Variants in SNTG2 observed in about 807,000 individuals in gnomAD.
SNTG2 encodes the protein gamma-2-syntrophin.
In SNTG2, 74 loss-of-function variants were observed where a neutral mutation model predicts 70.9. The observed-to-expected ratio is 1.04, with a 90% CI of 0.86 to 1.27. The LOEUF (loss-of-function observed/expected upper bound fraction) is 1.27. Among genes scored for constraint, SNTG2 ranks in the 50% most tolerant of loss-of-function variants. The probability of loss-of-function intolerance (pLI) is 0.00; values close to 1 mark genes in which losing one functional copy is unlikely to be tolerated. For missense variants in SNTG2, 717 were observed against 690.7 expected, an observed-to-expected ratio of 1.04 and a Z score of -0.43; for synonymous variants, 278 against 273.8, an observed-to-expected ratio of 1.02 and a Z score of -0.15.
chr2:1,228,831 C>T (rs908150110), intron 9 of SNTG2, among the ~76,000 whole-genome samples: 5 of 152,180 alleles, frequency 3.3e-5, no homozygotes, highest in African/African-American at 9.7e-5. Flanking sequence ...TAGGGCAGCG[C>T]GTCTGGAGTT....
Position 1,235,849 on chromosome 2 carries a change from T to G in SNTG2, c.720-2039T>G, listed in dbSNP as rs554921907. Among the ~76,000 whole-genome samples, 6 of 152,338 alleles carry G rather than the reference T, an allele frequency of 3.9e-5. No homozygotes were observed. In the South Asian group the frequency reaches 1.0e-3, roughly 26 times the overall value. ...TGGAGGATGGGACACAGGGAACTTTTGAGGATTCTTCTAAAGTCTGTTTTT... is the reference window on the plus strand; with the variant it reads ...TGGAGGATGGGACACAGGGAACTTTGGAGGATTCTTCTAAAGTCTGTTTTT... On this transcript the variant is annotated intron_variant, in intron 9 of 16. Transcript: ENST00000308624.
At chr2:1,358,606 T>C (rs1383615424) in intron 16 of SNTG2, among the ~76,000 whole-genome samples, 3 of 152,168 alleles carry the variant, frequency 2.0e-5, no homozygotes, top group Non-Finnish European at 4.4e-5. Flanking sequence ...TCTTCTTTGA[T>C]CCATTCGTTC....
chr2:1,129,150 A>C (rs1281896125), intron 4 of SNTG2, among the ~76,000 whole-genome samples: 2 of 152,224 alleles, frequency 1.3e-5, no homozygotes, highest in Admixed American at 6.5e-5. Context: ...GATAAGCTAA[A>C]GGATTTGCTA....
intron 1 of SNTG2, among the ~76,000 whole-genome samples, chr2:992,355 A>G (rs1414803250): frequency 6.6e-6 from 1 of 152,246 alleles, no homozygotes; most frequent in African/African-American, 2.4e-5. Flanking sequence ...TCCCTACTGA[A>G]GAAATTAAAT....
chr2:1,057,707 T>C (rs1366051673), intron 1 of SNTG2, among the ~76,000 whole-genome samples: 1 of 152,204 alleles, frequency 6.6e-6, no homozygotes, highest in African/African-American at 2.4e-5. Flanking sequence ...ATCAGTACTT[T>C]GCATCCTTCA....
At position 1,348,429 on chromosome 2, in the gene SNTG2, C is replaced by T. The variant is rs575187014; in HGVS notation, c.1489-18914C>T. On this transcript the variant is annotated intron_variant, in intron 16 of 16. Coordinates refer to ENST00000308624, the MANE Select transcript of SNTG2 (RefSeq NM_018968.4). The stretch of plus-strand genomic sequence containing the variant: ...TTTACAACCTATTCTCTAAAGCCTA[C>T]TACCTTAAGGCTTCCTCTGCAAATA... 1.1e-4 allele frequency among the ~76,000 whole-genome samples: 17 copies of T among 152,342 alleles called. No homozygotes were observed. The South Asian group carries it at 2.1e-3, about 19-fold the overall frequency.
At chr2:1,363,237 A>C (rs1661298062) in intron 16 of SNTG2, among the ~76,000 whole-genome samples, 1 of 151,448 alleles carries the variant, frequency 6.6e-6, no homozygotes, top group South Asian at 2.1e-4. Context: ...ACCTTGTGCA[A>C]AGACAAGTCT....
intron 1 of SNTG2, among the ~76,000 whole-genome samples, chr2:992,661 T>C (rs1052765767): frequency 6.6e-6 from 1 of 152,202 alleles, no homozygotes; most frequent in Non-Finnish European, 1.5e-5. Flanking sequence ...CCCTTCCACA[T>C]TGCATTTCAT....
intron 1 of SNTG2, among the ~76,000 whole-genome samples, chr2:986,214 C>T (rs191037870): frequency 3.5e-4 from 53 of 152,146 alleles, no homozygotes; most frequent in Non-Finnish European, 5.1e-4. Context: ...GGGACATGGC[C>T]GGGATGGCCC....
chr2:1,066,203 C>T (rs1431674101), intron 1 of SNTG2, among the ~76,000 whole-genome samples: 1 of 152,154 alleles, frequency 6.6e-6, no homozygotes, highest in Non-Finnish European at 1.5e-5. Flanking sequence ...AAAGCATTTT[C>T]TGCATTCTGC....
At chr2:1,031,722 A>G (rs1242645105) in intron 1 of SNTG2, among the ~76,000 whole-genome samples, 1 of 151,400 alleles carries the variant, frequency 6.6e-6, no homozygotes, top group Non-Finnish European at 1.5e-5. Flanking sequence ...CTATGTAGTA[A>G]TGAAGTACTG....
At chr2:1,048,869 G>A (rs1381048335) in intron 1 of SNTG2, among the ~76,000 whole-genome samples, 1 of 152,072 alleles carries the variant, frequency 6.6e-6, no homozygotes, top group Non-Finnish European at 1.5e-5. Flanking sequence ...TCATTCTTTT[G>A]TGAGGTGATG....
intron 4 of SNTG2, among the ~76,000 whole-genome samples, chr2:1,109,206 C>T (rs1666277570): frequency 6.6e-6 from 1 of 151,796 alleles, no homozygotes; most frequent in Admixed American, 6.6e-5. Flanking sequence ...CTTTTATTCC[C>T]CCTAACAGTG....
At chr2:1,081,106 G>A (rs749610544) in intron 1 of SNTG2, among the ~76,000 whole-genome samples, 1 of 152,104 alleles carries the variant, frequency 6.6e-6, no homozygotes, top group Non-Finnish European at 1.5e-5. Flanking sequence ...CTTTCCGCAG[G>A]CCACGGCGTC....
chr2:1,162,778 G>GC (rs1022070001), intron 6 of SNTG2, among the ~76,000 whole-genome samples: 29 of 150,190 alleles, frequency 1.9e-4, no homozygotes, highest in African/African-American at 6.6e-4. Context: ...AGGATCTTGT[G>GC]CGGGGGGAGG....
chr2:1,049,139 C>T (rs1403238843), intron 1 of SNTG2, among the ~76,000 whole-genome samples: 2 of 152,188 alleles, frequency 1.3e-5, no homozygotes, highest in African/African-American at 4.8e-5. Flanking sequence ...TTGTTACAAT[C>T]AGTGAACCTC....
At chr2:1,313,953 T>C (rs749185493) in intron 15 of SNTG2, among the ~76,000 whole-genome samples, 2 of 152,220 alleles carry the variant, frequency 1.3e-5, no homozygotes, top group African/African-American at 2.4e-5. Flanking sequence ...TGCAGTGCAA[T>C]ATCAATGGAC....
chr2:1,099,917 A>G (rs1363884629), intron 4 of SNTG2, among the ~76,000 whole-genome samples: 1 of 152,212 alleles, frequency 6.6e-6, no homozygotes, highest in Non-Finnish European at 1.5e-5. Context: ...CTTTTTGAGC[A>G]AGCTTACAAA....
intron 1 of SNTG2, among the ~76,000 whole-genome samples, chr2:1,036,802 A>G (rs1661154476): frequency 6.6e-6 from 1 of 152,202 alleles, no homozygotes; most frequent in Non-Finnish European, 1.5e-5. Context: ...CCCTTATCAA[A>G]GGTAAACAAG....
Sources: gnomAD v4.1 joint callset for allele counts (sites outside exome capture counted in the v4.1 genomes callset) on GRCh38, gnomAD v4.1.1 for gene constraint, MANE v1.5 for transcripts, NCBI Gene and HGNC (gene_info 2026-07-23, HGNC 2026-07-21) for gene names.